Variants in DLGAP1 observed in about 807,000 individuals in gnomAD.
The protein encoded by DLGAP1 is disks large-associated protein 1.
In DLGAP1, 11 loss-of-function variants were observed where a neutral mutation model predicts 90.8. That is an observed-to-expected ratio of 0.12 (90% CI 0.08 to 0.20). The LOEUF is 0.20. Ranked by LOEUF, DLGAP1 falls within the 10% of genes least tolerant of loss-of-function variation. DLGAP1 has a pLI of 1.00. For missense variants in DLGAP1, 1,050 were observed against 1,333.8 expected (o/e 0.79, Z 3.31); for synonymous variants, 558 against 540.7 (o/e 1.03, Z -0.44).
intron 3 of DLGAP1, among the ~76,000 whole-genome samples, chr18:3,904,718 A>C (rs2148885788): frequency 6.6e-6 from 1 of 152,322 alleles, no homozygotes; most frequent in African/African-American, 2.4e-5. Flanking sequence ...TTAAGATTAA[A>C]TATTTTATTT....
At position 4,311,626 on chromosome 18, in the gene DLGAP1, C is replaced by T. The variant is rs562582862; in HGVS notation, c.-267+143380G>A. 1.0e-3 allele frequency among the ~76,000 whole-genome samples: 156 copies of T among 152,152 alleles called. 1 individual carries two copies. The highest frequency in any genetic ancestry group is 1.5e-3 in the Non-Finnish European group (102 of 67,998). On this transcript the variant is annotated intron_variant, in intron 1 of 12. Coordinates refer to ENST00000315677, the MANE Select transcript of DLGAP1 (RefSeq NM_004746.4). ...GCCATTAGTGGATCATTGAGCATTT[C>T]CTCTTCTTGAACATTTTCAGTAGTG...
intron 1 of DLGAP1, among the ~76,000 whole-genome samples, chr18:4,281,536 G>A (rs902042842): frequency 2.0e-5 from 3 of 152,124 alleles, no homozygotes; most frequent in South Asian, 2.1e-4. Flanking sequence ...CCTGGGAAAC[G>A]AGAGCGAAAC....
At chr18:4,306,941 T>A (rs2080277230) in intron 1 of DLGAP1, among the ~76,000 whole-genome samples, 1 of 150,932 alleles carries the variant, frequency 6.6e-6, no homozygotes, top group South Asian at 2.1e-4. Context: ...TTTTGTTTTG[T>A]TTGTCCTTCT....
At chr18:4,027,878 A>T (rs2074729809) in intron 2 of DLGAP1, among the ~76,000 whole-genome samples, 1 of 152,130 alleles carries the variant, frequency 6.6e-6, no homozygotes, top group Non-Finnish European at 1.5e-5. Flanking sequence ...AATTTGATTT[A>T]CTCCACTTAA....
At chr18:3,522,544 C>CCCT (rs2051274794) in intron 10 of DLGAP1, among the ~76,000 whole-genome samples, 1 of 94,520 alleles carries the variant, frequency 1.1e-5, no homozygotes, top group Non-Finnish European at 1.9e-5. Context: ...GTGCAGTCAA[C>CCCT]TCTTTTTTTT....
intron 3 of DLGAP1, among the ~76,000 whole-genome samples, chr18:3,940,742 T>G (rs1207355785): frequency 1.3e-5 from 2 of 152,260 alleles, no homozygotes; most frequent in African/African-American, 4.8e-5. Context: ...ACAGTGGTTT[T>G]CATTAATGCT....
chr18:4,306,899 A>G (rs1598864074), intron 1 of DLGAP1, among the ~76,000 whole-genome samples: 1 of 152,220 alleles, frequency 6.6e-6, no homozygotes, highest in African/African-American at 2.4e-5. Context: ...TTATAGGTAA[A>G]TGGTATAAAA....
At chr18:4,126,834 T>G (rs1474665695) in intron 2 of DLGAP1, among the ~76,000 whole-genome samples, 1 of 152,178 alleles carries the variant, frequency 6.6e-6, no homozygotes, top group Non-Finnish European at 1.5e-5. Context: ...CAAAGGCAAC[T>G]TCTAAAAAGG....
At chr18:4,338,668 A>G (rs933571969) in intron 1 of DLGAP1, among the ~76,000 whole-genome samples, 8 of 152,226 alleles carry the variant, frequency 5.3e-5, no homozygotes, top group Non-Finnish European at 1.2e-4. Flanking sequence ...AAGATGATAA[A>G]TACGACAGAC....
chr18:4,011,877 ATCT>A (rs1212747609), intron 2 of DLGAP1, among the ~76,000 whole-genome samples: 3 of 152,090 alleles, frequency 2.0e-5, no homozygotes, highest in Admixed American at 6.5e-5. Flanking sequence ...TTAAAAAAAA[ATCT>A]TCTAACTTCT....
At chr18:3,634,213 CA>C (rs2058617268) in intron 7 of DLGAP1, among the ~76,000 whole-genome samples, 1 of 151,424 alleles carries the variant, frequency 6.6e-6, no homozygotes, top group African/African-American at 2.4e-5. Flanking sequence ...TATCTTTGAA[CA>C]TCCCCCCCCA....
chr18:4,084,962 T>C lies in DLGAP1; in HGVS notation c.-159+66218A>G, dbSNP rs376174267. ...AGCATGCTGCAAGGAGCAGGCATCGTCCAGGATGGTTAATGGGGAAGACAT... is the reference window on the plus strand; with the variant it reads ...AGCATGCTGCAAGGAGCAGGCATCGCCCAGGATGGTTAATGGGGAAGACAT... On this transcript the variant is annotated intron_variant, in intron 2 of 12. Transcript: ENST00000315677. The surrounding 1 kb of genome is among the most constrained non-coding windows in gnomAD (Gnocchi z 4.0). 2.5e-5 allele frequency among the ~76,000 whole-genome samples: 3 copies of C among 119,304 alleles called. No individual in the cohort carries two copies. The highest frequency in any genetic ancestry group is 9.3e-5 in the African/African-American group (3 of 32,120). The allele number at this position is 119,304 out of a possible 152,430, so 78.3% of individuals were successfully genotyped here.
At chr18:3,978,729 T>C (rs368180633) in intron 3 of DLGAP1, 4 of 153,182 alleles carry the variant, frequency 2.6e-5, no homozygotes, top group African/African-American at 9.6e-5. Flanking sequence ...TCCAAAGCTC[T>C]TCCCACTCTA....
At chr18:3,851,960 G>A (rs1376295050) in intron 4 of DLGAP1, among the ~76,000 whole-genome samples, 1 of 151,826 alleles carries the variant, frequency 6.6e-6, no homozygotes, top group Admixed American at 6.6e-5. Flanking sequence ...TAAAGGAAGG[G>A]ACATAAAAGA....
chr18:4,037,239 G>A (rs183697521), intron 2 of DLGAP1, among the ~76,000 whole-genome samples: 7 of 152,222 alleles, frequency 4.6e-5, no homozygotes, highest in East Asian at 3.9e-4. Flanking sequence ...ATATCATTCC[G>A]CTGCTGACTA....
At position 3,880,057 on chromosome 18, in the gene DLGAP1, T is replaced by C. The variant is rs753846543; in HGVS notation, c.12A>G (p.Leu4=). 2.5e-6 allele frequency: 4 copies of C among 1,601,726 alleles called. No individual in the cohort carries two copies. Among genetic ancestry groups the C allele is most frequent in the Admixed American group, 1.7e-5 (1 of 60,002 alleles). ...CGTGGTGATGGCTGCGGCTGCCTGATAGCCCTTTCATGGCGGACCGGAAGC... is the reference window on the plus strand; with the variant it reads ...CGTGGTGATGGCTGCGGCTGCCTGACAGCCCTTTCATGGCGGACCGGAAGC... The part of the protein sequence containing the change: MKG[L]SGSRSHHHGV... The change falls in exon 4 of 13, where the codon CTA becomes CTG. Residue 4 remains leucine, a synonymous_variant. Transcript: ENST00000315677.
At chr18:3,645,333 A>AAT (rs1379944738) in intron 7 of DLGAP1, among the ~76,000 whole-genome samples, 2 of 151,600 alleles carry the variant, frequency 1.3e-5, no homozygotes, top group African/African-American at 4.9e-5. Flanking sequence ...GAGCTATGTG[A>AAT]ATATATATAT....
intron 7 of DLGAP1, among the ~76,000 whole-genome samples, chr18:3,625,608 T>G (rs539754815): frequency 6.6e-6 from 1 of 152,198 alleles, no homozygotes; most frequent in Non-Finnish European, 1.5e-5. Flanking sequence ...TGTTGTAATC[T>G]AAGAAGAGTA....
At chr18:3,920,489 C>T (rs1028792913) in intron 3 of DLGAP1, among the ~76,000 whole-genome samples, 5 of 152,094 alleles carry the variant, frequency 3.3e-5, no homozygotes, top group Admixed American at 6.6e-5. Context: ...CTGCTGCCAC[C>T]GGGCATGTTC....
Sources: gnomAD v4.1 joint callset for allele counts (sites outside exome capture counted in the v4.1 genomes callset) on GRCh38, gnomAD v4.1.1 for gene constraint, Gnocchi (gnomAD v3.1) non-coding constraint, MANE v1.5 for transcripts, NCBI Gene and HGNC (gene_info 2026-07-23, HGNC 2026-07-21) for gene names.